The following LRRC9 variants were observed in gnomAD, a reference collection of about 807,000 sequenced individuals.
LRRC9 encodes the protein leucine rich repeat containing 9.
A neutral mutation model predicts 63.2 loss-of-function variants in LRRC9; 122 were observed. That is an observed-to-expected ratio of 1.93 (90% CI 1.67 to 2.24). The LOEUF (loss-of-function observed/expected upper bound fraction) is 2.24. Among genes scored for constraint, LRRC9 ranks in the 30% most tolerant of loss-of-function variants. The probability of loss-of-function intolerance (pLI) is 0.00; values close to 1 mark genes in which losing one functional copy is unlikely to be tolerated. For synonymous variants in LRRC9, 366 were observed against 213.1 expected (o/e 1.72, Z -6.25); for missense variants, 1,071 against 627.7 (o/e 1.71, Z -7.55).
intron 12 of LRRC9, among the ~76,000 whole-genome samples, chr14:59,968,627 T>C (rs1307991276): frequency 6.6e-6 from 1 of 152,124 alleles, no homozygotes; most frequent in Non-Finnish European, 1.5e-5. Context: ...TTGTACTTTA[T>C]GGAGAAGTAA....
At position 60,054,879 on chromosome 14, in the gene LRRC9, A is replaced by G. The variant is rs546955052; in HGVS notation, c.4131+1674A>G. On this transcript the variant is annotated intron_variant, in intron 30 of 31. Coordinates refer to ENST00000445360, the Ensembl canonical transcript of LRRC9. The stretch of plus-strand genomic sequence containing the variant: ...TGGGTTCAGTTGATTCTCCTGCCTC[A>G]GCATCCCGAGTAGCTGGGACTACAG... Among the ~76,000 whole-genome samples the G allele has an allele frequency of 3.8e-4, 58 of 152,078 alleles. 1 individual carries two copies. In the East Asian group the frequency reaches 5.8e-3, roughly 15 times the overall value.
intron 23 of LRRC9, among the ~76,000 whole-genome samples, chr14:60,015,659 G>C (rs1051423796): frequency 5.3e-5 from 8 of 152,166 alleles, no homozygotes; most frequent in African/African-American, 1.9e-4. Context: ...CTGGCTGGGA[G>C]AGACAAGAAT....
chr14:59,970,365 C>A (rs1336530733), intron 12 of LRRC9, among the ~76,000 whole-genome samples: 1 of 152,108 alleles, frequency 6.6e-6, no homozygotes, highest in African/African-American at 2.4e-5. Flanking sequence ...TATGTCTTTG[C>A]TGTTGTGAAT....
In LRRC9 at chr14:59,938,460, A is replaced by G. The variant is rs777406097; in HGVS notation, c.614A>G (p.Asn205Ser). 1.6e-5 allele frequency: 11 copies of G among 698,120 alleles called. No homozygotes were observed. The highest frequency in any genetic ancestry group is 1.2e-4 in the Admixed American group (6 of 49,384). The allele number at this position is 698,120 out of a possible 1,614,324, so 43.2% of individuals were successfully genotyped here. A position where few individuals can be genotyped will look rare whatever the true frequency, so the allele number is the denominator to read the frequency against. The change falls in exon 7 of 32, where the codon AAT becomes AGT. Residue 205 changes from asparagine (N) to serine (S), a missense_variant. Physicochemically the swap from Asn to Ser is conservative, Grantham distance 46 (BLOSUM62 1). Transcript: ENST00000445360. The surrounding 1 kb of genome is among the most constrained non-coding windows in gnomAD (Gnocchi z 4.2). ...CTGAATGACCCTCAATATACAACCA[A>G]TCCAGTTTGTCTTCTGTGTAATTAT...
intron 30 of LRRC9, among the ~76,000 whole-genome samples, chr14:60,054,679 G>A (rs929365603): frequency 6.6e-6 from 1 of 151,794 alleles, no homozygotes; most frequent in Non-Finnish European, 1.5e-5. Context: ...GAGCAGCTTT[G>A]GTCCTTCATC....
At chr14:59,975,111 A>G (rs188141474) in intron 13 of LRRC9, among the ~76,000 whole-genome samples, 2,540 of 31,714 alleles carry the variant, frequency 0.08, 486 homozygotes, top group African/African-American at 0.19. Context: ...ACATATATAT[A>G]TGTATATATA....
chr14:60,049,742 A>G (rs1893737904), intron 29 of LRRC9, among the ~76,000 whole-genome samples: 1 of 151,788 alleles, frequency 6.6e-6, no homozygotes. Context: ...CTTGGGGTTG[A>G]TCTTTTTATG....
rs143995092 is a variant in LRRC9 at position 60,050,829 on chromosome 14, A to G, written c.3991-2236A>G. Among the ~76,000 whole-genome samples, 657 of 152,320 alleles carry G rather than the reference A, an allele frequency of 4.3e-3. 1 individual carries two copies. Among genetic ancestry groups the G allele is most frequent in the Non-Finnish European group, 6.9e-3 (467 of 68,022 alleles). On this transcript the variant is annotated intron_variant, in intron 29 of 31. Coordinates refer to ENST00000445360, the Ensembl canonical transcript of LRRC9. ...ATCAGGCCACTAATTATTAGCAACC[A>G]TAGGGCTGCTGCAGTTTGCTGGGGG...
intron 19 of LRRC9, 40 bp downstream of exon 19, chr14:59,999,266 A>C: frequency 1.5e-6 from 1 of 667,310 alleles, no homozygotes; most frequent in Non-Finnish European, 2.7e-6. Flanking sequence ...GCTATTTAGA[A>C]CATACAGATA....
chr14:60,054,105 G>T, intron 30 of LRRC9: 1 of 320,122 alleles, frequency 3.1e-6, no homozygotes, highest in Non-Finnish European at 6.1e-6. Context: ...AAAGAGATAG[G>T]ACTACCATAC....
At chr14:60,063,275 C>A in intron 31 of LRRC9, 48 bp from the exon 33 acceptor site, 1 of 688,728 alleles carries the variant, frequency 1.5e-6, no homozygotes, top group South Asian at 1.6e-5. Context: ...TGATCCATTA[C>A]AAAATTAAGT....
exon 23 of LRRC9, chr14:60,008,093 G>T (rs1368701583): frequency 1.5e-6 from 1 of 689,528 alleles, no homozygotes; most frequent in East Asian, 2.7e-5. Context: ...ATTACCTAGG[G>T]TTTATGCAAC....
chr14:59,989,965 T>C (rs114684732), intron 17 of LRRC9, among the ~76,000 whole-genome samples: 3,517 of 151,226 alleles, frequency 0.023, 52 homozygotes, highest in Middle Eastern at 0.048. Context: ...TTCACTTTTG[T>C]GGCCCAGGCT....
intron 17 of LRRC9, among the ~76,000 whole-genome samples, chr14:59,989,178 T>G (rs1024369037): frequency 6.6e-6 from 1 of 152,078 alleles, no homozygotes; most frequent in Admixed American, 6.5e-5. Flanking sequence ...TCTTCCAATA[T>G]GTAGTTTAAA....
At chr14:60,037,255 G>A (rs1304200403) in intron 29 of LRRC9, among the ~76,000 whole-genome samples, 1 of 151,960 alleles carries the variant, frequency 6.6e-6, no homozygotes, top group East Asian at 1.9e-4. Flanking sequence ...TAACAGCTTG[G>A]TTTATAATCC....
rs1380756865 is a variant in LRRC9, at chr14:59,958,164, C to T, written c.883-1654C>T. ...AGCAGAGCTGGTGCACTGTGCTGGG[C>T]GAATCCCTCTTGTCAGGATTAGCTG... On this transcript the variant is annotated intron_variant, in intron 8 of 31. Coordinates refer to ENST00000445360, the Ensembl canonical transcript of LRRC9. This position sits in a 1 kb window ranked among gnomAD's most constrained non-coding sequence, Gnocchi z 4.0. Among the ~76,000 whole-genome samples, 8 of 152,286 alleles carry T rather than the reference C, an allele frequency of 5.3e-5. No homozygotes were observed. Among genetic ancestry groups the T allele is most frequent in the East Asian group, 1.9e-4 (1 of 5,184 alleles).
chr14:60,050,809 G>A (rs966874913), intron 29 of LRRC9, among the ~76,000 whole-genome samples: 1 of 152,106 alleles, frequency 6.6e-6, no homozygotes, highest in Non-Finnish European at 1.5e-5. Flanking sequence ...TAACAATCAG[G>A]CCACTAATTA....
chr14:60,038,992 G>A (rs565833138), intron 29 of LRRC9, among the ~76,000 whole-genome samples: 23 of 152,142 alleles, frequency 1.5e-4, no homozygotes, highest in South Asian at 1.2e-3. Flanking sequence ...GAATTTTGTC[G>A]AAGGCCTTCT....
In LRRC9 at chr14:60,006,409, T is replaced by TAGTC. The variant is rs1889812707; in HGVS notation, c.2855_2856insAGTC (p.Met952IlefsTer4). The stretch of plus-strand genomic sequence containing the variant: ...CTTATTTTTCTAGGTATTTCCAAGA[T>TAGTC]GACTAAATTAACTCGCCTCAGCATA... On this transcript the variant is annotated frameshift_variant, in exon 22 of 32. Coordinates refer to ENST00000445360, the Ensembl canonical transcript of LRRC9. LOFTEE classifies it high-confidence loss of function. The TAGTC allele has an allele frequency of 1.4e-6, 1 of 690,080 alleles. No homozygotes were observed. Among genetic ancestry groups the TAGTC allele is most frequent in the Non-Finnish European group, 2.6e-6 (1 of 379,960 alleles). 42.7% of individuals were successfully genotyped at this position (690,080 alleles called of 1,614,324 possible). A position where few individuals can be genotyped will look rare whatever the true frequency, so the allele number is the denominator to read the frequency against.
Sources: allele counts gnomAD v4.1 joint callset (sites outside exome capture counted in the v4.1 genomes callset), GRCh38; gene constraint gnomAD v4.1.1; non-coding constraint Gnocchi (gnomAD v3.1); transcripts MANE v1.5; gene names NCBI Gene and HGNC (gene_info 2026-07-23, HGNC 2026-07-21).